The following ANKS1B variants were observed in gnomAD, a reference collection of about 807,000 sequenced individuals.
ANKS1B encodes the protein ankyrin repeat and sterile alpha motif domain containing 1B.
In ANKS1B, 36 loss-of-function variants were observed where a neutral mutation model predicts 148.3. That is an observed-to-expected ratio of 0.24 (90% confidence interval 0.19 to 0.32). The LOEUF is 0.32. ANKS1B is among the 10% of genes least tolerant of loss of function. ANKS1B has a pLI of 1.00. For missense variants in ANKS1B, 1,157 were observed against 1,542.6 expected, an observed-to-expected ratio of 0.75 and a Z score of 4.19; for synonymous variants, 542 against 560.8, an observed-to-expected ratio of 0.97 and a Z score of 0.47.
At chr12:99,466,993 G>C (rs1005646701) in intron 10 of ANKS1B, among the ~76,000 whole-genome samples, 2 of 152,120 alleles carry the variant, frequency 1.3e-5, no homozygotes, top group African/African-American at 4.8e-5. Context: ...CCAAAAAAGA[G>C]AATTTTAGAC....
chr12:99,536,775 C>A (rs978844900), intron 9 of ANKS1B, among the ~76,000 whole-genome samples: 70 of 152,232 alleles, frequency 4.6e-4, no homozygotes, highest in African/African-American at 1.6e-3. Context: ...ACTCCAATCA[C>A]ACTCTTTATT....
chr12:99,863,442 A>T (rs909189410), intron 1 of ANKS1B, among the ~76,000 whole-genome samples: 2 of 152,196 alleles, frequency 1.3e-5, no homozygotes, highest in African/African-American at 4.8e-5. Context: ...CTGGCCAGGC[A>T]CAGTGGCCCA....
At chr12:98,789,876 C>G (rs1479118965) in intron 22 of ANKS1B, among the ~76,000 whole-genome samples, 2 of 152,020 alleles carry the variant, frequency 1.3e-5, no homozygotes, top group Admixed American at 1.3e-4. Context: ...CACGGTAAAA[C>G]AGTGGATATG....
chr12:98,865,844 T>C (rs2099621594), intron 17 of ANKS1B, among the ~76,000 whole-genome samples: 1 of 152,010 alleles, frequency 6.6e-6, no homozygotes, highest in South Asian at 2.1e-4. Flanking sequence ...CAAAATGCCA[T>C]TGGCTGGGTA....
At chr12:99,125,007 CTTTTGGGAGG>C (rs1196771668) in intron 15 of ANKS1B, among the ~76,000 whole-genome samples, 1 of 152,020 alleles carries the variant, frequency 6.6e-6, no homozygotes, top group Non-Finnish European at 1.5e-5. Flanking sequence ...ATTACAAGAT[CTTTTGGGAGG>C]TTTTGCTATA....
intron 8 of ANKS1B, among the ~76,000 whole-genome samples, chr12:99,702,569 G>T (rs572886788): frequency 1.3e-5 from 2 of 151,896 alleles, no homozygotes; most frequent in African/African-American, 4.8e-5. Flanking sequence ...TTGAGACAGC[G>T]TCTTGCTCTA....
intron 17 of ANKS1B, among the ~76,000 whole-genome samples, chr12:98,894,460 G>C (rs2099759334): frequency 6.6e-6 from 1 of 151,704 alleles, no homozygotes; most frequent in African/African-American, 2.4e-5. Flanking sequence ...CCTCCGTAGA[G>C]ACCGCTAGCT....
chr12:99,597,566 G>A (rs1474128496), intron 9 of ANKS1B, among the ~76,000 whole-genome samples: 1 of 151,978 alleles, frequency 6.6e-6, no homozygotes, highest in African/African-American at 2.4e-5. Context: ...CTGCATTTAA[G>A]TGTCCTCAGG....
chr12:99,374,164 G>A (rs1482049042), intron 12 of ANKS1B, among the ~76,000 whole-genome samples: 2 of 152,126 alleles, frequency 1.3e-5, no homozygotes, highest in Admixed American at 6.5e-5. Flanking sequence ...AAGTATAGAG[G>A]TTCCCAGAAA....
At chr12:98,906,732 G>A (rs2099779605) in intron 17 of ANKS1B, among the ~76,000 whole-genome samples, 1 of 152,218 alleles carries the variant, frequency 6.6e-6, no homozygotes, top group South Asian at 2.1e-4. Context: ...ACCTAGTAGA[G>A]ATGCTGGGGC....
chr12:98,986,172 A>T (rs984568746), intron 17 of ANKS1B, among the ~76,000 whole-genome samples: 6 of 150,792 alleles, frequency 4.0e-5, no homozygotes, highest in African/African-American at 1.5e-4. Flanking sequence ...CTTTGGTTTT[A>T]AGCAATTTGT....
intron 1 of ANKS1B, among the ~76,000 whole-genome samples, chr12:99,877,964 G>A (rs1269917057): frequency 6.6e-6 from 1 of 152,108 alleles, no homozygotes; most frequent in Non-Finnish European, 1.5e-5. Flanking sequence ...GAAGGCTGAG[G>A]CTGGACAGTC....
intron 1 of ANKS1B, among the ~76,000 whole-genome samples, chr12:99,855,102 C>T (rs2088771352): frequency 6.6e-6 from 1 of 151,960 alleles, no homozygotes; most frequent in South Asian, 2.1e-4. Context: ...TTAAAAGATA[C>T]AGAATTGCAG....
chr12:99,429,041 A>G (rs766082996), intron 11 of ANKS1B, among the ~76,000 whole-genome samples: 2 of 152,252 alleles, frequency 1.3e-5, no homozygotes, highest in Non-Finnish European at 2.9e-5. Context: ...GGTCTCTGCA[A>G]GTATAAACAA....
At chr12:98,794,468 A>C in intron 22 of ANKS1B, 2 of 307,996 alleles carry the variant, frequency 6.5e-6, no homozygotes, top group African/African-American at 2.3e-5. Flanking sequence ...GTCGATGGGG[A>C]CCCATGGGGG....
intron 1 of ANKS1B, among the ~76,000 whole-genome samples, chr12:99,959,213 A>G (rs182055989): frequency 2.0e-5 from 3 of 147,116 alleles, no homozygotes; most frequent in Admixed American, 6.8e-5. Flanking sequence ...GGTGCAGGCC[A>G]CCACACCCAG....
At chr12:99,676,960 G>T (rs2098577655) in intron 8 of ANKS1B, among the ~76,000 whole-genome samples, 1 of 152,168 alleles carries the variant, frequency 6.6e-6, no homozygotes, top group South Asian at 2.1e-4. Context: ...AGACACAGTA[G>T]AACACACAGG....
intron 9 of ANKS1B, among the ~76,000 whole-genome samples, chr12:99,576,473 C>T (rs1218391497): frequency 6.6e-6 from 1 of 152,088 alleles, no homozygotes; most frequent in Non-Finnish European, 1.5e-5. Context: ...AGATCAAACA[C>T]ACACTTGGCT....
intron 12 of ANKS1B, among the ~76,000 whole-genome samples, chr12:99,357,679 G>C (rs1346686535): frequency 6.6e-6 from 1 of 152,100 alleles, no homozygotes; most frequent in Non-Finnish European, 1.5e-5. Flanking sequence ...ACATAACACA[G>C]TGTCTTGTCC....
Sources: gnomAD v4.1 joint callset for allele counts (sites outside exome capture counted in the v4.1 genomes callset) on GRCh38, gnomAD v4.1.1 for gene constraint, MANE v1.5 for transcripts, NCBI Gene and HGNC (gene_info 2026-07-23, HGNC 2026-07-21) for gene names.